The following NUDT14 variants were observed in gnomAD, a reference collection of about 807,000 sequenced individuals.
NUDT14 encodes nudix hydrolase 14, also known as uridine diphosphate glucose pyrophosphatase NUDT14.
NUDT14 carries 22 observed loss-of-function variants against 17.5 expected under a neutral mutation model. The ratio of observed to expected loss-of-function variants is 1.26; its 90% confidence interval spans 0.90 to 1.80. NUDT14 has a LOEUF of 1.80. NUDT14 is among the 40% of genes most tolerant of loss of function. NUDT14 has a pLI of 0.00. For synonymous variants in NUDT14, 129 were observed against 125.8 expected (o/e 1.03, Z -0.17); for missense variants, 296 against 295.6 (o/e 1.00, Z -0.01).
chr14:105,177,136 GC>G, intron 2 of NUDT14, 109 bp from the exon 3 acceptor site: 4 of 1,013,542 alleles, frequency 3.9e-6, no homozygotes, highest in Non-Finnish European at 4.5e-6. Context: ...CTTGCCAGCA[GC>G]CCAGGGAGGT....
At chr14:105,179,840 C>T (rs1889289765) in intron 1 of NUDT14, among the ~76,000 whole-genome samples, 3 of 152,200 alleles carry the variant, frequency 2.0e-5, no homozygotes, top group South Asian at 4.1e-4. Context: ...GGGCCTCTCT[C>T]AGGCTGGGGG....
At chr14:105,176,351 G>T in intron 4 of NUDT14, 183 bp downstream of exon 4, 1 of 624,346 alleles carries the variant, frequency 1.6e-6, no homozygotes, top group Non-Finnish European at 2.8e-6. Context: ...TGCAGAGAGA[G>T]CCCCAAGAGC....
rs1408367220 is a variant in NUDT14, at chr14:105,177,752, A to G, written c.82-17T>C. On this transcript the variant is annotated splice_polypyrimidine_tract_variant and intron_variant, in intron 1 of 4. Coordinates refer to ENST00000392568, the MANE Select transcript of NUDT14 (RefSeq NM_177533.5). ...GGCACCATTCTAGAAGGGGCAGGTC[A>G]GCGGTTAGAATGTCCCAGGATGGGC... 2 of 1,611,688 alleles carry G rather than the reference A, an allele frequency of 1.2e-6. No individual in the cohort carries two copies. Among genetic ancestry groups the G allele is most frequent in the Admixed American group, 1.7e-5 (1 of 60,010 alleles).
chr14:105,177,829 A>C, intron 1 of NUDT14, 94 bp from the exon 2 acceptor site: 7 of 1,193,680 alleles, frequency 5.9e-6, no homozygotes, highest in South Asian at 1.3e-5. Flanking sequence ...CCCACTCCTA[A>C]CCAGGGAGAT....
chr14:105,173,408 A>AT lies in NUDT14; in HGVS notation c.429-148dup. On this transcript the variant is annotated intron_variant, in intron 4 of 4. Transcript: ENST00000392568. This position sits in a 1 kb window ranked among gnomAD's most constrained non-coding sequence, Gnocchi z 4.7. ...CTCTGGGATGCCCTCTCCCACCCGG[A>AT]TTCCCACCTGGTGTGCACGCCCGTG... 1.1e-6 allele frequency: 1 copy of AT among 918,724 alleles called. No homozygotes were observed. The highest frequency in any genetic ancestry group is 1.5e-6 in the Non-Finnish European group (1 of 677,044). The allele number at this position is 918,724 out of a possible 1,614,324, so 56.9% of individuals were successfully genotyped here.
chr14:105,179,244 C>CA (rs955599797), intron 1 of NUDT14, among the ~76,000 whole-genome samples: 49 of 152,152 alleles, frequency 3.2e-4, no homozygotes, highest in Non-Finnish European at 6.8e-4. Flanking sequence ...GGGCTGGGTG[C>CA]AAAGAAGACC....
Position 105,172,994 on chromosome 14 carries a change from C to G in NUDT14, c.*27G>C, listed in dbSNP as rs749934054. ...CGGGGTGTGGGGTGAGTGGCCAAGA[C>G]TGGCCTCTGTCTAGAACCCTGGAGT... On this transcript the variant is annotated 3_prime_UTR_variant, in exon 5 of 5. Coordinates refer to ENST00000392568, the MANE Select transcript of NUDT14 (RefSeq NM_177533.5). The G allele has an allele frequency of 4.1e-6, 6 of 1,477,058 alleles. No homozygotes were observed. Among genetic ancestry groups the G allele is most frequent in the Non-Finnish European group, 4.5e-6 (5 of 1,114,680 alleles). 91.5% of individuals were successfully genotyped at this position (1,477,058 alleles called of 1,614,324 possible). A position where few individuals can be genotyped will look rare whatever the true frequency, so the allele number is the denominator to read the frequency against.
At chr14:105,177,375 C>T (rs1889239141) in intron 2 of NUDT14, 2 of 547,526 alleles carry the variant, frequency 3.7e-6, no homozygotes, top group South Asian at 2.0e-5. Flanking sequence ...AGCCACACTC[C>T]TCGAGCCACG....
chr14:105,177,403 C>T, intron 2 of NUDT14: 1 of 549,930 alleles, frequency 1.8e-6, no homozygotes, highest in Non-Finnish European at 3.3e-6. Flanking sequence ...CCAGCCCAGA[C>T]CCTGGATGCT....
intron 1 of NUDT14, among the ~76,000 whole-genome samples, chr14:105,180,546 G>A (rs587606304): frequency 1.1e-4 from 16 of 152,258 alleles, no homozygotes; most frequent in African/African-American, 3.9e-4. Context: ...CTCTTGTGCC[G>A]TGGCCTGGCA....
rs1889142251 is a variant in NUDT14, at chr14:105,173,255, T to A, written c.435A>T (p.Gly145=). 6.5e-7 allele frequency: 1 copy of A among 1,546,128 alleles called. No individual in the cohort carries two copies. The highest frequency in any genetic ancestry group is 1.4e-5 in the African/African-American group (1 of 72,466). Residue 145 remains glycine, a synonymous_variant, in exon 5 of 5, where the codon GGA becomes GGT. Transcript: ENST00000392568. This position sits in a 1 kb window ranked among gnomAD's most constrained non-coding sequence, Gnocchi z 4.7. The part of the protein sequence containing the change: ...DLRRVATYWS[G]VGLTGSRQTM... ...TCTGTCTGGAGCCAGTCAGTCCCAC[T>A]CCAGACCTACGGGTTGAGACAGGGT...
At chr14:105,176,894 C>G in intron 3 of NUDT14, 69 bp downstream of exon 3, 1 of 1,570,058 alleles carries the variant, frequency 6.4e-7, no homozygotes, top group African/African-American at 1.4e-5. Flanking sequence ...CATCTGTATT[C>G]AGACCCTCAG....
chr14:105,177,641 T>C lies in NUDT14; in HGVS notation c.125+51A>G, dbSNP rs587609526. ...CTTCGCCCTGGGCCCAGTGTCCCCG[T>C]AGACATCAGTCTGGGGCTTCCCCAG... On this transcript the variant is annotated intron_variant, in intron 2 of 4. Coordinates refer to ENST00000392568, the MANE Select transcript of NUDT14 (RefSeq NM_177533.5). 47 of 1,577,994 alleles carry C rather than the reference T, an allele frequency of 3.0e-5. No homozygotes were observed. The South Asian group carries it at 4.2e-4, about 14-fold the overall frequency.
chr14:105,176,089 G>T, intron 4 of NUDT14: 1 of 974,902 alleles, frequency 1.0e-6, no homozygotes, highest in Non-Finnish European at 1.3e-6. Flanking sequence ...CTCGAGTTTG[G>T]TGGGTCAGGT....
chr14:105,175,726 G>C, intron 4 of NUDT14: 1 of 1,001,338 alleles, frequency 1.0e-6, no homozygotes, highest in Non-Finnish European at 1.2e-6. Flanking sequence ...CCTTTAACTT[G>C]GGAGTCCACC....
At chr14:105,175,036 G>C (rs587595535) in intron 4 of NUDT14, among the ~76,000 whole-genome samples, 1 of 152,178 alleles carries the variant, frequency 6.6e-6, no homozygotes, top group African/African-American at 2.4e-5. Context: ...TTCCCGATGC[G>C]AGTCTAAGCA....
intron 2 of NUDT14, 38 bp from the exon 3 acceptor site, chr14:105,177,065 C>G: frequency 6.3e-7 from 1 of 1,598,552 alleles, no homozygotes; most frequent in Non-Finnish European, 8.5e-7. Context: ...AGAAGCACTC[C>G]ACTGGCCCTC....
intron 4 of NUDT14, chr14:105,175,798 G>A (rs1192927786): frequency 3.9e-6 from 4 of 1,032,424 alleles, no homozygotes; most frequent in Non-Finnish European, 4.7e-6. Flanking sequence ...AGGGCCCCAG[G>A]CTCAACCCTG....
Position 105,181,154 on chromosome 14 carries a change from C to A in NUDT14, c.56G>T (p.Arg19Leu). 8 of 1,160,202 alleles carry A rather than the reference C, an allele frequency of 6.9e-6. No homozygotes were observed. The highest frequency in any genetic ancestry group is 8.5e-6 in the Non-Finnish European group (8 of 936,424). 71.9% of individuals were successfully genotyped at this position (1,160,202 alleles called of 1,614,324 possible). Reference protein sequence around the residue: ...VGRCAASPYLRPLTLHYRQNG... With the variant: ...VGRCAASPYLLPLTLHYRQNG... ...CTGGCGGTAATGCAGCGTGAGCGGC[C>A]GCAGGTAGGGTGAGGCGGCGCAGCG... The change falls in exon 1 of 5, where the codon CGG (arginine) becomes CTG (leucine). Residue 19 changes from arginine to leucine, a missense_variant. Coordinates refer to ENST00000392568, the MANE Select transcript of NUDT14 (RefSeq NM_177533.5). The surrounding 1 kb of genome is among the most constrained non-coding windows in gnomAD (Gnocchi z 5.0).
Sources: gnomAD v4.1 joint callset for allele counts (sites outside exome capture counted in the v4.1 genomes callset) on GRCh38, gnomAD v4.1.1 for gene constraint, Gnocchi (gnomAD v3.1) non-coding constraint, MANE v1.5 for transcripts, NCBI Gene and HGNC (gene_info 2026-07-23, HGNC 2026-07-21) for gene names.